The following THSD4 variants were observed in gnomAD, a reference collection of about 807,000 sequenced individuals.
THSD4 encodes the protein thrombospondin type 1 domain containing 4.
THSD4 carries 69 observed loss-of-function variants against 119.0 expected under a neutral mutation model. That is an observed-to-expected ratio of 0.58 (90% CI 0.48 to 0.71). The LOEUF (loss-of-function observed/expected upper bound fraction) is 0.71. Among genes scored for constraint, THSD4 ranks in the 30% least tolerant of loss-of-function variants. The probability of loss-of-function intolerance (pLI) is 0.00; values close to 1 mark genes in which losing one functional copy is unlikely to be tolerated. For missense variants in THSD4, 1,393 were observed against 1,391.1 expected (o/e 1.00, Z -0.02); for synonymous variants, 524 against 540.4 (o/e 0.97, Z 0.42).
chr15:71,159,807 G>A (rs958176411), intron 3 of THSD4, among the ~76,000 whole-genome samples: 2 of 151,918 alleles, frequency 1.3e-5, no homozygotes, highest in South Asian at 2.1e-4. Context: ...CTCTGGCTAG[G>A]AATTCCTATG....
chr15:71,355,407 C>A (rs2045796267), intron 6 of THSD4, among the ~76,000 whole-genome samples: 1 of 152,182 alleles, frequency 6.6e-6, no homozygotes, highest in Non-Finnish European at 1.5e-5. Flanking sequence ...TGTGTGCATG[C>A]ATGTGCATGT....
At chr15:71,661,397 A>AT (rs1340411907) in intron 8 of THSD4, among the ~76,000 whole-genome samples, 2,847 of 112,322 alleles carry the variant, frequency 0.025, 58 homozygotes, top group African/African-American at 0.063. Context: ...TTATTTATTT[A>AT]TTTATTTTTT....
At chr15:71,696,361 C>A (rs1171541128) in intron 8 of THSD4, among the ~76,000 whole-genome samples, 2 of 152,114 alleles carry the variant, frequency 1.3e-5, no homozygotes, top group African/African-American at 4.8e-5. Context: ...GGAACTAACC[C>A]CTTTACACTA....
At chr15:71,191,710 G>A (rs1369238441) in intron 3 of THSD4, among the ~76,000 whole-genome samples, 1 of 152,080 alleles carries the variant, frequency 6.6e-6, no homozygotes, top group Non-Finnish European at 1.5e-5. Context: ...TTCCCTCCTT[G>A]CCGCAGCCCA....
intron 7 of THSD4, among the ~76,000 whole-genome samples, chr15:71,565,789 A>G (rs937062891): frequency 6.6e-5 from 10 of 152,206 alleles, no homozygotes; most frequent in Admixed American, 1.3e-4. Context: ...TTACAGAGGA[A>G]TGGAAACAAG....
At chr15:71,355,560 G>A (rs2045798894) in intron 6 of THSD4, among the ~76,000 whole-genome samples, 1 of 152,190 alleles carries the variant, frequency 6.6e-6, no homozygotes, top group African/African-American at 2.4e-5. Flanking sequence ...TGGATTGTGT[G>A]TTGTTCAGTG....
At chr15:71,422,805 C>T (rs930487740) in intron 7 of THSD4, among the ~76,000 whole-genome samples, 15 of 152,166 alleles carry the variant, frequency 9.9e-5, no homozygotes, top group African/African-American at 3.6e-4. Flanking sequence ...CTGGGCTGGT[C>T]CAGAAATACC....
intron 4 of THSD4, among the ~76,000 whole-genome samples, chr15:71,238,081 C>T (rs768551333): frequency 1.3e-5 from 2 of 151,794 alleles, no homozygotes; most frequent in Non-Finnish European, 2.9e-5. Flanking sequence ...TGGGGGTGTT[C>T]CATGTACTTA....
chr15:71,334,730 C>A (rs746480387), intron 6 of THSD4, among the ~76,000 whole-genome samples: 1 of 152,216 alleles, frequency 6.6e-6, no homozygotes, highest in Middle Eastern at 3.2e-3. Context: ...CTCTCTAGTT[C>A]TTTGAAAGTA....
Position 71,608,249 on chromosome 15 carries a change from T to TACAC in THSD4, c.1153-52250_1153-52247dup, listed in dbSNP as rs55892951. 3.7e-3 allele frequency among the ~76,000 whole-genome samples: 389 copies of TACAC among 106,176 alleles called. 2 individuals are homozygous for TACAC. Among genetic ancestry groups the TACAC allele is most frequent in the South Asian group, 8.5e-3 (23 of 2,694 alleles). The allele number at this position is 106,176 out of a possible 152,430, so 69.7% of individuals were successfully genotyped here. A position where few individuals can be genotyped will look rare whatever the true frequency, so the allele number is the denominator to read the frequency against. On this transcript the variant is annotated intron_variant, in intron 7 of 17. Transcript: ENST00000261862. ...AAAAAAAAAAAAAAATATATATATA[T>TACAC]ACACACACACACACACACACACACA...
chr15:71,315,156 C>G (rs2140354211), intron 6 of THSD4, among the ~76,000 whole-genome samples: 1 of 152,284 alleles, frequency 6.6e-6, no homozygotes, highest in Non-Finnish European at 1.5e-5. Flanking sequence ...TAGAGGTGCC[C>G]TTTGTCCTCC....
chr15:71,108,022 G>A (rs1430321649), intron 1 of THSD4, among the ~76,000 whole-genome samples: 2 of 152,078 alleles, frequency 1.3e-5, no homozygotes, highest in Non-Finnish European at 2.9e-5. Flanking sequence ...GGAAACCTGC[G>A]CCCAAAGCAT....
chr15:71,660,461 C>G, intron 7 of THSD4, 69 bp from the exon 8 acceptor site: 1 of 1,584,804 alleles, frequency 6.3e-7, no homozygotes, highest in East Asian at 2.2e-5. Context: ...GCCCAGGGAT[C>G]TTCTCCCTTC....
Position 71,527,708 on chromosome 15 carries a change from CTTTTTTTTT to C in THSD4, c.1152+115899_1152+115907del, listed in dbSNP as rs10635101. ...GATTTTTTTTCCCCATGTTTATCCTCTTTTTTTTTTTTTTTTTTTTTTGAGACAGGGTCT... is the reference window on the plus strand; with the variant it reads ...GATTTTTTTTCCCCATGTTTATCCTCTTTTTTTTTTTTTGAGACAGGGTCT... On this transcript the variant is annotated intron_variant, in intron 7 of 17. Transcript: ENST00000261862. 5.0e-5 allele frequency among the ~76,000 whole-genome samples: 4 copies of C among 79,716 alleles called. No individual in the cohort carries two copies. In the Admixed American group the frequency reaches 5.8e-4, roughly 11 times the overall value. The allele number at this position is 79,716 out of a possible 152,430, so 52.3% of individuals were successfully genotyped here.
intron 4 of THSD4, among the ~76,000 whole-genome samples, chr15:71,229,286 G>A (rs369730840): frequency 5.3e-5 from 8 of 152,162 alleles, no homozygotes; most frequent in African/African-American, 1.9e-4. Flanking sequence ...AATTCATTTA[G>A]CAGGTATTTG....
intron 7 of THSD4, among the ~76,000 whole-genome samples, chr15:71,501,842 G>A (rs2140730909): frequency 6.6e-6 from 1 of 152,210 alleles, no homozygotes; most frequent in East Asian, 1.9e-4. Flanking sequence ...TGATTTTGAT[G>A]TGTCATTGAG....
intron 7 of THSD4, among the ~76,000 whole-genome samples, chr15:71,512,798 G>GT (rs550434369): frequency 4.8e-4 from 73 of 152,156 alleles, no homozygotes; most frequent in Middle Eastern, 3.4e-3. Flanking sequence ...GAGCAACTGC[G>GT]TAAGTGTTGA....
chr15:71,514,220 A>C (rs561572530), intron 7 of THSD4, among the ~76,000 whole-genome samples: 1 of 152,288 alleles, frequency 6.6e-6, no homozygotes, highest in South Asian at 2.1e-4. Flanking sequence ...AGGTATCAGG[A>C]GAAAGGAAAG....
At chr15:71,226,456 G>C (rs2044018910) in intron 4 of THSD4, among the ~76,000 whole-genome samples, 2 of 152,292 alleles carry the variant, frequency 1.3e-5, no homozygotes, top group Non-Finnish European at 2.9e-5. Flanking sequence ...CCTGGATCAG[G>C]CCTGGATCAC....
Sources: allele counts gnomAD v4.1 joint callset (sites outside exome capture counted in the v4.1 genomes callset), GRCh38; gene constraint gnomAD v4.1.1; transcripts MANE v1.5; gene names NCBI Gene and HGNC (gene_info 2026-07-23, HGNC 2026-07-21).